CHCHD3: variants seen among roughly 807,000 people sequenced by gnomAD.
CHCHD3 encodes MICOS complex subunit MIC19.
CHCHD3 carries 20 observed loss-of-function variants against 38.2 expected under a neutral mutation model. That is an observed-to-expected ratio of 0.52 (90% CI 0.37 to 0.76). The LOEUF (loss-of-function observed/expected upper bound fraction) is 0.76, where lower values mean the gene tolerates loss of function less well. Among genes scored for constraint, CHCHD3 ranks in the 30% least tolerant of loss-of-function variants. The pLI is 0.00. For missense variants in CHCHD3, 245 were observed against 279.2 expected (o/e 0.88, Z 0.87); for synonymous variants, 82 against 100.0 (o/e 0.82, Z 1.07).
At chr7:132,933,664 A>G (rs1810568664) in intron 4 of CHCHD3, among the ~76,000 whole-genome samples, 1 of 152,252 alleles carries the variant, frequency 6.6e-6, no homozygotes, top group Non-Finnish European at 1.5e-5. Flanking sequence ...TCGATTAACA[A>G]AAAACACCAT....
intron 4 of CHCHD3, among the ~76,000 whole-genome samples, chr7:132,918,425 G>A (rs1017477426): frequency 6.6e-6 from 1 of 152,134 alleles, no homozygotes; most frequent in Non-Finnish European, 1.5e-5. Flanking sequence ...ACACATTTGT[G>A]AAACACTCAG....
At chr7:132,932,860 G>A (rs1810547486) in intron 4 of CHCHD3, among the ~76,000 whole-genome samples, 1 of 152,030 alleles carries the variant, frequency 6.6e-6, no homozygotes. Flanking sequence ...TCCCCATGAG[G>A]CCCTTCATCT....
intron 5 of CHCHD3, among the ~76,000 whole-genome samples, chr7:132,879,831 T>A (rs953405728): frequency 6.8e-6 from 1 of 146,866 alleles, no homozygotes; most frequent in African/African-American, 2.5e-5. Context: ...AATGAAGACC[T>A]CAAGAAGAAA....
intron 3 of CHCHD3, among the ~76,000 whole-genome samples, chr7:132,990,943 G>GACACAC (rs1201876742): frequency 3.8e-5 from 3 of 79,426 alleles, no homozygotes; most frequent in African/African-American, 1.0e-4. Flanking sequence ...CCCCTACACA[G>GACACAC]ACACACATAC....
chr7:132,785,658 G>A lies in CHCHD3; in HGVS notation c.663C>T (p.Ser221=), dbSNP rs147050556. The part of the protein sequence containing the change: ...YMHCVNHAKQ[S]MLEKGG Reference sequence around the variant, plus strand: ...GTTTTTATCCTCCCTTCTCAAGCATGCTCTGCAAGAAAAACAGAAAGAGTA... The same window carrying A: ...GTTTTTATCCTCCCTTCTCAAGCATACTCTGCAAGAAAAACAGAAAGAGTA... The change falls in exon 8 of 8, where the codon AGC becomes AGT. Residue 221 remains serine (S), a splice_region_variant and synonymous_variant. Transcript: ENST00000262570. 422 of 1,613,986 alleles carry A rather than the reference G, an allele frequency of 2.6e-4. 3 individuals are homozygous for A. In the African/African-American group the frequency reaches 4.6e-3, roughly 18 times the overall value.
At chr7:132,990,951 T>TACATACACAC (rs1554398387) in intron 3 of CHCHD3, among the ~76,000 whole-genome samples, 1 of 143,692 alleles carries the variant, frequency 7.0e-6, no homozygotes, top group Admixed American at 7.0e-5. Context: ...CAGACACACA[T>TACATACACAC]ACACACACAC....
intron 4 of CHCHD3, among the ~76,000 whole-genome samples, chr7:132,950,584 G>A (rs1171940563): frequency 6.6e-6 from 1 of 152,132 alleles, no homozygotes; most frequent in East Asian, 1.9e-4. Context: ...CACACACCAG[G>A]AGGAAGACTG....
intron 3 of CHCHD3, among the ~76,000 whole-genome samples, chr7:133,015,158 A>G (rs1033088546): frequency 6.6e-6 from 1 of 152,068 alleles, no homozygotes; most frequent in African/African-American, 2.4e-5. Context: ...CCTGTCCAAC[A>G]TGGCGAAACC....
intron 4 of CHCHD3, among the ~76,000 whole-genome samples, chr7:132,911,706 G>A (rs765680579): frequency 6.6e-6 from 1 of 152,160 alleles, no homozygotes; most frequent in Non-Finnish European, 1.5e-5. Context: ...AGTGTCTTTT[G>A]TGATGGCTTC....
intron 5 of CHCHD3, among the ~76,000 whole-genome samples, chr7:132,875,811 T>C (rs1244425664): frequency 6.6e-6 from 1 of 152,352 alleles, no homozygotes; most frequent in African/African-American, 2.4e-5. Context: ...TATCTTAGTC[T>C]ACACGGACAA....
At chr7:132,921,136 C>T (rs1810250405) in intron 4 of CHCHD3, among the ~76,000 whole-genome samples, 3 of 152,120 alleles carry the variant, frequency 2.0e-5, no homozygotes, top group African/African-American at 7.2e-5. Flanking sequence ...AAGGAAAACA[C>T]TGATATATGT....
At chr7:133,034,774 C>A in intron 2 of CHCHD3, 1 of 1,613,478 alleles carries the variant, frequency 6.2e-7, no homozygotes, top group Non-Finnish European at 8.5e-7. Flanking sequence ...AGCGGAAAGG[C>A]AAGCTCCTGG....
At chr7:132,910,278 A>G (rs1393952301) in intron 4 of CHCHD3, among the ~76,000 whole-genome samples, 2 of 152,196 alleles carry the variant, frequency 1.3e-5, no homozygotes, top group Non-Finnish European at 2.9e-5. Flanking sequence ...CTGTATGATC[A>G]GAGTCCAGCA....
rs893585310 is a variant in CHCHD3 at position 133,023,744 on chromosome 7, T to A, written c.251+802A>T. Reference sequence around the variant, plus strand: ...GTAGTATTTAAAAAAAATGCTTTTTTAAAATCCTTTCATGGTGTTTTTTTC... The same window carrying A: ...GTAGTATTTAAAAAAAATGCTTTTTAAAAATCCTTTCATGGTGTTTTTTTC... On this transcript the variant is annotated intron_variant, in intron 3 of 7. Transcript: ENST00000262570. 2.6e-5 allele frequency among the ~76,000 whole-genome samples: 4 copies of A among 152,256 alleles called. 1 individual carries two copies. The South Asian group carries it at 6.2e-4, about 24-fold the overall frequency.
At chr7:133,039,777 T>C (rs772414535) in intron 2 of CHCHD3, among the ~76,000 whole-genome samples, 1 of 152,232 alleles carries the variant, frequency 6.6e-6, no homozygotes, top group African/African-American at 2.4e-5. Flanking sequence ...AGCACATGGC[T>C]GGTCAGAAGG....
chr7:133,076,058 C>CAAAAAA (rs58754100), intron 1 of CHCHD3, among the ~76,000 whole-genome samples: 3 of 63,686 alleles, frequency 4.7e-5, no homozygotes, highest in Non-Finnish European at 9.1e-5. Context: ...GATTCTATCT[C>CAAAAAA]AAAAAAAAAA....
At chr7:132,941,226 T>C (rs1171245141) in intron 4 of CHCHD3, among the ~76,000 whole-genome samples, 2 of 152,214 alleles carry the variant, frequency 1.3e-5, no homozygotes, top group South Asian at 2.1e-4. Context: ...CTTGGATTCA[T>C]AGTTATCCTT....
intron 3 of CHCHD3, among the ~76,000 whole-genome samples, chr7:133,013,590 G>A (rs887178849): frequency 6.6e-6 from 1 of 152,016 alleles, no homozygotes; most frequent in African/African-American, 2.4e-5. Flanking sequence ...ACTTTTCTTA[G>A]GCAAAGTCTT....
intron 3 of CHCHD3, among the ~76,000 whole-genome samples, chr7:133,022,979 A>C (rs1813236011): frequency 1.3e-5 from 2 of 151,908 alleles, no homozygotes; most frequent in Non-Finnish European, 2.9e-5. Flanking sequence ...AAATATGAGA[A>C]TCTAACCAAA....
Sources: allele counts gnomAD v4.1 joint callset (sites outside exome capture counted in the v4.1 genomes callset), GRCh38; gene constraint gnomAD v4.1.1; transcripts MANE v1.5; gene names NCBI Gene and HGNC (gene_info 2026-07-23, HGNC 2026-07-21).